MDM1: variants seen among roughly 807,000 people sequenced by gnomAD.
The protein encoded by MDM1 is Mdm1 nuclear protein.
A neutral mutation model predicts 89.1 loss-of-function variants in MDM1; 61 were observed. That is an observed-to-expected ratio of 0.68 (90% CI 0.56 to 0.85). The LOEUF is 0.85. MDM1 is among the 40% of genes least tolerant of loss of function. The pLI, the probability that MDM1 is intolerant of heterozygous loss-of-function variation, is 0.00. For synonymous variants in MDM1, 290 were observed against 294.1 expected (o/e 0.99, Z 0.14); for missense variants, 820 against 846.5 (o/e 0.97, Z 0.39).
Position 68,326,942 on chromosome 12 carries a change from C to A in MDM1, c.213G>T (p.Trp71Cys). The A allele has an allele frequency of 6.2e-7, 1 of 1,614,000 alleles. No individual in the cohort carries two copies. Among genetic ancestry groups the A allele is most frequent in the Non-Finnish European group, 8.5e-7 (1 of 1,179,998 alleles). Residue 71 changes from tryptophan to cysteine, a missense_variant, in exon 3 of 15, where the codon TGG (tryptophan) becomes TGT (cysteine). By Grantham distance (215) the Trp-to-Cys change is radical. Transcript: ENST00000682720. ...CATTGCTCTCTGAGATAGCTCCATT[C>A]CACTCCAGAGATTTTGAAATCTGTG... ...HDPQISKSLE[W>C]NGAISESNVV...
In MDM1 at chr12:68,316,107, A is replaced by T. The variant is rs778770358; in HGVS notation, c.1182T>A (p.Ser394Arg). 6.2e-7 allele frequency: 1 copy of T among 1,613,102 alleles called. No individual in the cohort carries two copies. The highest frequency in any genetic ancestry group is 8.5e-7 in the Non-Finnish European group (1 of 1,179,594). ...SSTTSSEGTV[S>R]SNIRALDLAG... Reference sequence around the variant, plus strand: ...CAAGATCTAATGCTCTGATGTTGCTACTAACGGTTCCTTCTGAGCTTGTGG... The same window carrying T: ...CAAGATCTAATGCTCTGATGTTGCTTCTAACGGTTCCTTCTGAGCTTGTGG... Residue 394 changes from serine to arginine, a missense_variant, in exon 9 of 15, where the codon AGT becomes AGA. Transcript: ENST00000682720.
chr12:68,329,394 A>T (rs111827584), intron 2 of MDM1, among the ~76,000 whole-genome samples: 1 of 152,198 alleles, frequency 6.6e-6, no homozygotes, highest in African/African-American at 2.4e-5. Flanking sequence ...TACCCTACCC[A>T]TAAGTCTTTT....
At chr12:68,304,842 T>C (rs1052893251) in intron 12 of MDM1, among the ~76,000 whole-genome samples, 2 of 152,228 alleles carry the variant, frequency 1.3e-5, no homozygotes, top group African/African-American at 4.8e-5. Context: ...CTGTGAATCA[T>C]ATCCTATTTG....
At chr12:68,307,200 AG>A (rs1422493066) in intron 12 of MDM1, among the ~76,000 whole-genome samples, 4 of 152,212 alleles carry the variant, frequency 2.6e-5, no homozygotes, top group African/African-American at 9.7e-5. Context: ...GGGGGAGAAG[AG>A]GGAGGGGTGC....
chr12:68,307,774 C>G (rs1873102894), intron 12 of MDM1, among the ~76,000 whole-genome samples: 1 of 151,916 alleles, frequency 6.6e-6, no homozygotes, highest in African/African-American at 2.4e-5. Context: ...CACATCTCTA[C>G]TAAAAATACA....
At position 68,332,256 on chromosome 12, in the gene MDM1, G is replaced by A. The variant is rs774503728; in HGVS notation, c.-11C>T. The A allele has an allele frequency of 2.5e-6, 4 of 1,581,538 alleles. No individual in the cohort carries two copies. In the African/African-American group the frequency reaches 4.1e-5, roughly 16 times the overall value. ...GAAGCGCACCGGCATGTCGCCCGGC[G>A]CCGGAGCCCCCGCTACTCCGACAGT... On this transcript the variant is annotated 5_prime_UTR_variant, in exon 1 of 15. Coordinates refer to ENST00000682720, the MANE Select transcript of MDM1 (RefSeq NM_001354969.2).
intron 12 of MDM1, among the ~76,000 whole-genome samples, chr12:68,312,644 C>T (rs894575413): frequency 7.2e-5 from 11 of 152,188 alleles, no homozygotes; most frequent in Admixed American, 1.3e-4. Context: ...TCATGTCACT[C>T]CTCTGCCTTT....
intron 2 of MDM1, 56 bp from the exon 3 acceptor site, chr12:68,327,077 A>G: frequency 6.6e-7 from 1 of 1,512,430 alleles, no homozygotes; most frequent in Non-Finnish European, 8.8e-7. Flanking sequence ...TTACAAAGAC[A>G]ACTTTTAAGA....
At chr12:68,318,907 C>T (rs930264304) in intron 7 of MDM1, among the ~76,000 whole-genome samples, 7 of 152,070 alleles carry the variant, frequency 4.6e-5, no homozygotes, top group South Asian at 4.1e-4. Context: ...GGGATAAAAA[C>T]TCCTTTTACC....
At chr12:68,325,927 C>A in intron 3 of MDM1, 2 of 997,984 alleles carry the variant, frequency 2.0e-6, no homozygotes, top group Non-Finnish European at 2.4e-6. Flanking sequence ...TCTATGAACA[C>A]CCCTTCTCCT....
At chr12:68,307,783 C>T (rs1054745306) in intron 12 of MDM1, among the ~76,000 whole-genome samples, 1 of 151,774 alleles carries the variant, frequency 6.6e-6, no homozygotes, top group African/African-American at 2.4e-5. Flanking sequence ...ACTAAAAATA[C>T]AAAAATTAGT....
intron 14 of MDM1, among the ~76,000 whole-genome samples, chr12:68,295,850 C>A (rs1871307194): frequency 6.6e-6 from 1 of 152,140 alleles, no homozygotes; most frequent in African/African-American, 2.4e-5. Context: ...GCTACCCTTC[C>A]TTAATACTGA....
At chr12:68,296,316 G>A (rs1028284295) in intron 14 of MDM1, among the ~76,000 whole-genome samples, 1 of 152,150 alleles carries the variant, frequency 6.6e-6, no homozygotes, top group Non-Finnish European at 1.5e-5. Context: ...TGGCCAACAT[G>A]GTGAAACCCC....
chr12:68,317,106 G>T (rs535093160), intron 7 of MDM1, among the ~76,000 whole-genome samples: 1 of 151,854 alleles, frequency 6.6e-6, no homozygotes, highest in East Asian at 1.9e-4. Context: ...ATTGCAATGT[G>T]TTCAACAAAG....
intron 1 of MDM1, among the ~76,000 whole-genome samples, chr12:68,331,535 C>T (rs913853822): frequency 2.6e-5 from 4 of 152,148 alleles, no homozygotes; most frequent in African/African-American, 9.7e-5. Flanking sequence ...AATCTAAATT[C>T]TCATCATTCT....
chr12:68,297,350 T>A (rs923091991), intron 13 of MDM1, among the ~76,000 whole-genome samples: 1 of 152,140 alleles, frequency 6.6e-6, no homozygotes, highest in Non-Finnish European at 1.5e-5. Flanking sequence ...AACAAACTCA[T>A]AGGACAAAGA....
chr12:68,313,323 G>A (rs892601141), intron 12 of MDM1, 120 bp downstream of exon 12: 6 of 719,100 alleles, frequency 8.3e-6, no homozygotes, highest in African/African-American at 7.0e-5. Flanking sequence ...CAGGTTAACA[G>A]TATCATCTCC....
chr12:68,323,280 A>T (rs777393414), intron 4 of MDM1, 40 bp from the exon 5 acceptor site: 2 of 1,448,082 alleles, frequency 1.4e-6, no homozygotes, highest in Middle Eastern at 2.2e-4. Context: ...TTGTTGATTA[A>T]ATATGCGGAA....
In MDM1 at chr12:68,332,129, A is replaced by G. The variant is rs899102523; in HGVS notation, c.18+99T>C. The G allele has an allele frequency of 1.5e-5, 22 of 1,489,504 alleles. No homozygotes were observed. In the Admixed American group the frequency reaches 2.8e-4, roughly 19 times the overall value. The allele number at this position is 1,489,504 out of a possible 1,614,324, so 92.3% of individuals were successfully genotyped here. The stretch of plus-strand genomic sequence containing the variant: ...GGGGCTGGCAGCTTCCGCCGGGCAG[A>G]GGGCTGCAGCGCAGAAAAGCAGCGT... On this transcript the variant is annotated intron_variant, in intron 1 of 14. Transcript: ENST00000682720.
Sources: allele counts gnomAD v4.1 joint callset (sites outside exome capture counted in the v4.1 genomes callset), GRCh38; gene constraint gnomAD v4.1.1; transcripts MANE v1.5; gene names NCBI Gene and HGNC (gene_info 2026-07-23, HGNC 2026-07-21).